The following NRXN3 variants were observed in gnomAD, a reference collection of about 807,000 sequenced individuals.
The protein encoded by NRXN3 is neurexin 3.
Under a neutral mutation model 137.6 loss-of-function variants are expected in NRXN3, and 32 were observed. That is an observed-to-expected ratio of 0.23 (90% CI 0.18 to 0.31). The LOEUF is 0.31. Among genes scored for constraint, NRXN3 ranks in the 10% least tolerant of loss-of-function variants. The probability of loss-of-function intolerance (pLI) is 1.00; values close to 1 mark genes in which losing one functional copy is unlikely to be tolerated. For synonymous variants in NRXN3, 798 were observed against 784.5 expected (o/e 1.02, Z -0.29); for missense variants, 1,574 against 2,062.5 (o/e 0.76, Z 4.59).
intron 15 of NRXN3, among the ~76,000 whole-genome samples, chr14:79,257,586 A>ATGGTGGTGG (rs2076953707): frequency 2.7e-4 from 5 of 18,736 alleles, no homozygotes; most frequent in African/African-American, 1.0e-3. Context: ...GGTGATGGTA[A>ATGGTGGTGG]TGATGGTGGT....
chr14:78,690,714 A>G (rs1419708866), intron 6 of NRXN3, among the ~76,000 whole-genome samples: 1 of 152,146 alleles, frequency 6.6e-6, no homozygotes, highest in Non-Finnish European at 1.5e-5. Flanking sequence ...GAAGGTTCAG[A>G]TATATCTACA....
At chr14:79,456,052 C>T (rs1352679586) in intron 15 of NRXN3, among the ~76,000 whole-genome samples, 1 of 151,990 alleles carries the variant, frequency 6.6e-6, no homozygotes, top group African/African-American at 2.4e-5. Flanking sequence ...TTCATTAATA[C>T]TCTAATTATT....
intron 4 of NRXN3, among the ~76,000 whole-genome samples, chr14:78,321,167 C>G (rs1277972966): frequency 6.6e-6 from 1 of 151,890 alleles, no homozygotes; most frequent in Non-Finnish European, 1.5e-5. Context: ...CTAAATTATC[C>G]CTGCTGGGAT....
chr14:79,637,619 A>G (rs903309489), intron 16 of NRXN3, among the ~76,000 whole-genome samples: 1 of 151,796 alleles, frequency 6.6e-6, no homozygotes, highest in African/African-American at 2.4e-5. Context: ...CAGCTGACTT[A>G]TTAGTTCTTC....
At chr14:79,690,070 C>T (rs2098710569) in intron 17 of NRXN3, among the ~76,000 whole-genome samples, 1 of 152,134 alleles carries the variant, frequency 6.6e-6, no homozygotes. Context: ...AGAATACATT[C>T]AAGGCAGATC....
At chr14:79,576,719 T>A (rs1036398433) in intron 16 of NRXN3, among the ~76,000 whole-genome samples, 4 of 152,220 alleles carry the variant, frequency 2.6e-5, no homozygotes, top group African/African-American at 4.8e-5. Context: ...TCCTATTTAT[T>A]TATCTGAGGA....
At chr14:78,465,992 C>T (rs937328550) in intron 4 of NRXN3, among the ~76,000 whole-genome samples, 10 of 151,828 alleles carry the variant, frequency 6.6e-5, no homozygotes, top group Admixed American at 4.6e-4. Flanking sequence ...GCTGGGACTA[C>T]AGATGTCCAC....
chr14:79,414,944 T>C (rs530267097), intron 15 of NRXN3, among the ~76,000 whole-genome samples: 2 of 152,310 alleles, frequency 1.3e-5, no homozygotes, highest in African/African-American at 4.8e-5. Flanking sequence ...AATATATAAG[T>C]GAGATCATGC....
chr14:78,205,107 A>G (rs545696104), intron 1 of NRXN3, among the ~76,000 whole-genome samples: 2 of 152,318 alleles, frequency 1.3e-5, no homozygotes, highest in East Asian at 3.9e-4. Flanking sequence ...CATGCCACCC[A>G]AGGTACCAGT....
At chr14:78,761,498 A>G (rs2152976385) in intron 8 of NRXN3, among the ~76,000 whole-genome samples, 1 of 152,198 alleles carries the variant, frequency 6.6e-6, no homozygotes, top group African/African-American at 2.4e-5. Context: ...AGCTTGTTTA[A>G]CTCAATGACA....
Position 78,578,369 on chromosome 14 carries a change from GGAGT to G in NRXN3, c.758-66749_758-66746del, listed in dbSNP as rs1413138186. Among the ~76,000 whole-genome samples the G allele has an allele frequency of 3.9e-5, 6 of 152,306 alleles. No individual in the cohort carries two copies. The East Asian group carries it at 1.2e-3, about 29-fold the overall frequency. On this transcript the variant is annotated intron_variant, in intron 4 of 20. Transcript: ENST00000335750. ...GTAATTGAAGGTGGGTCACTGTGATGGAGTGTTCTTCACTGGAGCTAAGCTTCAC... is the reference window on the plus strand; with the variant it reads ...GTAATTGAAGGTGGGTCACTGTGATGGTTCTTCACTGGAGCTAAGCTTCAC...
chr14:79,513,585 A>G (rs966995333), intron 16 of NRXN3, among the ~76,000 whole-genome samples: 2 of 152,254 alleles, frequency 1.3e-5, no homozygotes, highest in African/African-American at 4.8e-5. Flanking sequence ...ATTTCATTCA[A>G]TAGTACTTTC....
intron 1 of NRXN3, among the ~76,000 whole-genome samples, chr14:78,179,834 G>GTTTTTTTTTTTT (rs1325344906): frequency 1.6e-4 from 18 of 111,390 alleles, no homozygotes; most frequent in South Asian, 2.9e-4. Flanking sequence ...GTTTGTTTCT[G>GTTTTTTTTTTTT]TTTTTTTGTT....
At chr14:79,809,936 A>T (rs968224919) in intron 20 of NRXN3, among the ~76,000 whole-genome samples, 66 of 152,358 alleles carry the variant, frequency 4.3e-4, no homozygotes, top group Non-Finnish European at 3.4e-4. Context: ...GATCATTAGT[A>T]AATTCACATT....
chr14:79,063,003 G>A (rs1222399718), intron 15 of NRXN3, among the ~76,000 whole-genome samples: 1 of 152,166 alleles, frequency 6.6e-6, no homozygotes, highest in Non-Finnish European at 1.5e-5. Context: ...GGAGGAGTAG[G>A]TGATAATTTA....
intron 16 of NRXN3, among the ~76,000 whole-genome samples, chr14:79,586,100 T>C (rs2097763581): frequency 6.6e-6 from 1 of 152,266 alleles, no homozygotes; most frequent in African/African-American, 2.4e-5. Context: ...GGGAGATGCA[T>C]ATGCCAAATA....
rs115651793 is a variant in NRXN3 at position 79,277,080 on chromosome 14, G to C, written c.3263-190141G>C. On this transcript the variant is annotated intron_variant, in intron 15 of 20. Transcript: ENST00000335750. ...AGGAAATAAAACAAGGTAATGGGAGGGGATGCCTTCCAGGGGTGGTGGTCA... is the reference window on the plus strand; with the variant it reads ...AGGAAATAAAACAAGGTAATGGGAGCGGATGCCTTCCAGGGGTGGTGGTCA... Among the ~76,000 whole-genome samples the C allele has an allele frequency of 5.3e-3, 810 of 152,276 alleles. 4 individuals carry two copies. The highest frequency in any genetic ancestry group is 0.019 in the African/African-American group (778 of 41,546).
intron 17 of NRXN3, among the ~76,000 whole-genome samples, chr14:79,669,899 G>C (rs1474709983): frequency 6.6e-6 from 1 of 151,988 alleles, no homozygotes; most frequent in African/African-American, 2.4e-5. Context: ...AGCTCCTAAG[G>C]TGATTCTCTG....
chr14:79,694,522 CAT>C (rs35732903), intron 18 of NRXN3, among the ~76,000 whole-genome samples: 21,083 of 151,294 alleles, frequency 0.14, 2,243 homozygotes, highest in African/African-American at 0.3. Flanking sequence ...TAAATATGCA[CAT>C]ATATATATAT....
Sources: allele counts gnomAD v4.1 joint callset (sites outside exome capture counted in the v4.1 genomes callset), GRCh38; gene constraint gnomAD v4.1.1; transcripts MANE v1.5; gene names NCBI Gene and HGNC (gene_info 2026-07-23, HGNC 2026-07-21).